The following TBC1D5 variants were observed in gnomAD, a reference collection of about 807,000 sequenced individuals.
TBC1D5 encodes the protein TBC1 domain family member 5, also known as TBC1 domain family, member 5.
TBC1D5 carries 75 observed loss-of-function variants against 100.3 expected under a neutral mutation model. The observed-to-expected ratio is 0.75, with a 90% CI of 0.62 to 0.91. The LOEUF is 0.91. Ranked by LOEUF, TBC1D5 falls within the 40% of genes least tolerant of loss-of-function variation. The probability of loss-of-function intolerance (pLI) is 0.00; values close to 1 mark genes in which losing one functional copy is unlikely to be tolerated. For missense variants in TBC1D5, 910 were observed against 942.4 expected (o/e 0.97, Z 0.45); for synonymous variants, 323 against 325.6 (o/e 0.99, Z 0.09).
At chr3:17,217,590 A>G (rs762574780) in intron 17 of TBC1D5, among the ~76,000 whole-genome samples, 1 of 152,010 alleles carries the variant, frequency 6.6e-6, no homozygotes, top group Non-Finnish European at 1.5e-5. Context: ...ATGGTATTTC[A>G]TTGTGATTTT....
chr3:17,212,369 C>T (rs1034513454), intron 18 of TBC1D5, among the ~76,000 whole-genome samples: 6 of 152,164 alleles, frequency 3.9e-5, no homozygotes, highest in Middle Eastern at 3.4e-3. Context: ...GCCTACTGTG[C>T]GGCCAGTCAT....
At chr3:17,187,066 C>A (rs1045985262) in intron 18 of TBC1D5, among the ~76,000 whole-genome samples, 1 of 152,186 alleles carries the variant, frequency 6.6e-6, no homozygotes, top group African/African-American at 2.4e-5. Flanking sequence ...GAATTTCCCT[C>A]GTTATCACAG....
At chr3:17,217,664 T>C (rs1473935167) in intron 17 of TBC1D5, among the ~76,000 whole-genome samples, 2 of 152,116 alleles carry the variant, frequency 1.3e-5, no homozygotes, top group African/African-American at 2.4e-5. Context: ...TAGACACTCA[T>C]CTTCTTCAGA....
At chr3:17,486,943 C>G (rs925834237) in intron 3 of TBC1D5, among the ~76,000 whole-genome samples, 4 of 152,254 alleles carry the variant, frequency 2.6e-5, no homozygotes, top group South Asian at 2.1e-4. Context: ...TTAGGATAGT[C>G]TATTTAAAGA....
chr3:17,485,662 G>C (rs2150407615), intron 3 of TBC1D5, among the ~76,000 whole-genome samples: 1 of 152,178 alleles, frequency 6.6e-6, no homozygotes, highest in Non-Finnish European at 1.5e-5. Flanking sequence ...CCCTACAAAG[G>C]ATATGAACTC....
chr3:17,476,476 C>T (rs1033899482), intron 3 of TBC1D5, among the ~76,000 whole-genome samples: 3 of 151,960 alleles, frequency 2.0e-5, no homozygotes, highest in African/African-American at 7.2e-5. Flanking sequence ...ATCTGTCTAT[C>T]TGTTCTTCCC....
At chr3:17,258,687 A>C in intron 15 of TBC1D5, 96 bp from the exon 16 acceptor site, 1 of 909,722 alleles carries the variant, frequency 1.1e-6, no homozygotes, top group Non-Finnish European at 1.7e-6. Flanking sequence ...CCTTCAGAAA[A>C]GAATATGTAT....
At chr3:17,466,550 T>G (rs2095304405) in intron 3 of TBC1D5, among the ~76,000 whole-genome samples, 1 of 152,186 alleles carries the variant, frequency 6.6e-6, no homozygotes, top group African/African-American at 2.4e-5. Context: ...TTTCCTCTTT[T>G]CCCTCACTCC....
intron 2 of TBC1D5, among the ~76,000 whole-genome samples, chr3:17,609,218 ATAT>A (rs1204736511): frequency 3.9e-5 from 6 of 152,226 alleles, no homozygotes; most frequent in African/African-American, 1.4e-4. Context: ...GTCTAGCAAA[ATAT>A]TAGTATTAGC....
chr3:17,612,254 T>G (rs2061726411), intron 2 of TBC1D5, among the ~76,000 whole-genome samples: 2 of 148,890 alleles, frequency 1.3e-5, no homozygotes, highest in African/African-American at 5.0e-5. Context: ...ATGCCATGAT[T>G]GTGCCACTGT....
intron 14 of TBC1D5, among the ~76,000 whole-genome samples, chr3:17,302,008 T>C (rs2082891698): frequency 1.3e-5 from 2 of 152,348 alleles, no homozygotes; most frequent in Non-Finnish European, 2.9e-5. Context: ...ACTGGGTGGC[T>C]TAAAATAACA....
At chr3:17,479,910 CACGCTCTGGGGCACA>C (rs1298175115) in intron 3 of TBC1D5, among the ~76,000 whole-genome samples, 1 of 152,104 alleles carries the variant, frequency 6.6e-6, no homozygotes, top group Admixed American at 6.5e-5. Context: ...GCTGGAGCCC[CACGCTCTGGGGCACA>C]GCTATAGCCA....
At chr3:17,635,033 A>T (rs2063790801) in intron 1 of TBC1D5, among the ~76,000 whole-genome samples, 1 of 152,200 alleles carries the variant, frequency 6.6e-6, no homozygotes, top group African/African-American at 2.4e-5. Flanking sequence ...TGAGTTCAAT[A>T]CTATAAACTA....
intron 2 of TBC1D5, among the ~76,000 whole-genome samples, chr3:17,565,199 C>T (rs1040815219): frequency 2.0e-5 from 3 of 152,052 alleles, no homozygotes; most frequent in South Asian, 2.1e-4. Context: ...GAGGTCAATC[C>T]TACAATCATC....
At chr3:17,490,231 C>G (rs2095621607) in intron 3 of TBC1D5, among the ~76,000 whole-genome samples, 1 of 151,954 alleles carries the variant, frequency 6.6e-6, no homozygotes, top group Non-Finnish European at 1.5e-5. Context: ...TCCTTATAGA[C>G]TCTAGATTTT....
intron 1 of TBC1D5, among the ~76,000 whole-genome samples, chr3:17,738,689 A>T (rs1338511563): frequency 6.6e-6 from 1 of 152,164 alleles, no homozygotes; most frequent in East Asian, 1.9e-4. Context: ...TGGTATGTCC[A>T]TGCAGCCCAC....
chr3:17,404,984 CTT>C (rs769623046), intron 5 of TBC1D5, 23 bp from the exon 6 acceptor site: 1 of 1,485,076 alleles, frequency 6.7e-7, no homozygotes, highest in Non-Finnish European at 9.2e-7. Context: ...ACAGAAGAAA[CTT>C]TTGTAAAAAT....
At chr3:17,729,331 T>A (rs567401425) in intron 1 of TBC1D5, among the ~76,000 whole-genome samples, 2 of 144,506 alleles carry the variant, frequency 1.4e-5, no homozygotes, top group Non-Finnish European at 3.0e-5. Flanking sequence ...GCATAAGGAT[T>A]TGTGAAAGAT....
intron 3 of TBC1D5, among the ~76,000 whole-genome samples, chr3:17,480,387 A>C (rs1286578717): frequency 6.6e-6 from 1 of 152,084 alleles, no homozygotes; most frequent in Non-Finnish European, 1.5e-5. Context: ...CCAGGCTGTC[A>C]CTTCCAGGTG....
Sources: allele counts gnomAD v4.1 joint callset (sites outside exome capture counted in the v4.1 genomes callset), GRCh38; gene constraint gnomAD v4.1.1; transcripts MANE v1.5; gene names NCBI Gene and HGNC (gene_info 2026-07-23, HGNC 2026-07-21).